Variants in KPNB1 observed in about 807,000 individuals in gnomAD.
The protein encoded by KPNB1 is importin subunit beta-1.
In KPNB1, 7 loss-of-function variants were observed where a neutral mutation model predicts 113.0. The observed-to-expected ratio is 0.06, with a 90% confidence interval of 0.04 to 0.12. The LOEUF (loss-of-function observed/expected upper bound fraction) is 0.12. Ranked by LOEUF, KPNB1 falls within the 10% of genes least tolerant of loss-of-function variation. KPNB1 has a pLI of 1.00. For synonymous variants in KPNB1, 363 were observed against 378.6 expected, an observed-to-expected ratio of 0.96 and a Z score of 0.48; for missense variants, 400 against 1,054.8, an observed-to-expected ratio of 0.38 and a Z score of 8.60.
In KPNB1 at chr17:47,652,685, C is replaced by A; in HGVS notation, c.100-9C>A. On this transcript the variant is annotated splice_polypyrimidine_tract_variant and intron_variant, in intron 2 of 21. Transcript: ENST00000290158. ...TATTTTTATTTACAAATTTATCTTC[C>A]CTTAACAGCCCACTTTCCTTGTGGA... 6.4e-7 allele frequency: 1 copy of A among 1,552,318 alleles called. No homozygotes were observed. Among genetic ancestry groups the A allele is most frequent in the Non-Finnish European group, 8.7e-7 (1 of 1,155,064 alleles).
At chr17:47,665,267 C>T in intron 9 of KPNB1, 109 bp downstream of exon 9, 1 of 820,388 alleles carries the variant, frequency 1.2e-6, no homozygotes, top group Non-Finnish European at 2.0e-6. Context: ...ATTTGATGTT[C>T]TGTTGTTGAT....
intron 9 of KPNB1, among the ~76,000 whole-genome samples, chr17:47,667,822 T>C (rs1368915159): frequency 1.3e-5 from 2 of 152,170 alleles, no homozygotes; most frequent in Non-Finnish European, 2.9e-5. Flanking sequence ...CCTCCCAAAG[T>C]GCTGGGATTA....
Position 47,682,998 on chromosome 17 carries a change from T to C in KPNB1, c.*594T>C, listed in dbSNP as rs1478352032. The C allele has an allele frequency of 1.3e-5, 2 of 151,370 alleles. No individual in the cohort carries two copies. Among genetic ancestry groups the C allele is most frequent in the African/African-American group, 4.9e-5 (2 of 40,834 alleles). The allele number at this position is 151,370 out of a possible 1,614,324, so 9.4% of individuals were successfully genotyped here. On this transcript the variant is annotated 3_prime_UTR_variant, in exon 22 of 22. Coordinates refer to ENST00000290158, the MANE Select transcript of KPNB1 (RefSeq NM_002265.6). ...TATCCACATTCTCAACTTCAAGTCA[T>C]TGCAGTTTCTTTTTCCCAGAAAACA... is the stretch of plus-strand genomic sequence containing the variant.
Position 47,671,551 on chromosome 17 carries a change from T to A in KPNB1, c.1547+719T>A, listed in dbSNP as rs572048946. Among the ~76,000 whole-genome samples, 395 of 152,120 alleles carry A rather than the reference T, an allele frequency of 2.6e-3. 4 individuals carry two copies. The highest frequency in any genetic ancestry group is 9.0e-3 in the African/African-American group (372 of 41,482). On this transcript the variant is annotated intron_variant, in intron 12 of 21. Transcript: ENST00000290158. Reference sequence around the variant, plus strand: ...TATTTTATTAATTAATTAATTAATTTATTTTGAGACAGAGTGTTGCTCTGT... The same window carrying A: ...TATTTTATTAATTAATTAATTAATTAATTTTGAGACAGAGTGTTGCTCTGT...
rs1460741781 is a variant in KPNB1 at position 47,678,178 on chromosome 17, C to G, written c.2236C>G (p.Gln746Glu). ...TACTCTTCAGCAGGCCTCCCAAGCC[C>G]AGGTGGACAAGGTAAGCTTAAAGCT... ...LNTLQQASQA[Q>E]VDKSDYDMVD... The change falls in exon 18 of 22, where the codon CAG becomes GAG. Residue 746 changes from glutamine (Q) to glutamate (E), a missense_variant. By Grantham distance (29) the Gln-to-Glu change is conservative. Transcript: ENST00000290158. 6.8e-6 allele frequency: 11 copies of G among 1,614,058 alleles called. No individual in the cohort carries two copies. The highest frequency in any genetic ancestry group is 9.3e-6 in the Non-Finnish European group (11 of 1,180,042).
At chr17:47,659,920 ATG>A (rs2030039852) in intron 5 of KPNB1, among the ~76,000 whole-genome samples, 2 of 151,668 alleles carry the variant, frequency 1.3e-5, no homozygotes, top group African/African-American at 4.8e-5. Context: ...ATATATATAT[ATG>A]TATATGTATG....
chr17:47,667,483 C>T (rs2030324404), intron 9 of KPNB1, among the ~76,000 whole-genome samples: 1 of 151,444 alleles, frequency 6.6e-6, no homozygotes, highest in African/African-American at 2.4e-5. Context: ...CATGAAACTC[C>T]CTTACTTTCC....
In KPNB1 at chr17:47,676,428, C is replaced by G; in HGVS notation, c.1932C>G (p.Leu644=). ...TTACAGTGTTGGGTGGTGAATTCCT[C>G]AAGTACATGGAGGCCTTTAAACCCT... ...TLVEVLGGEF[L]KYMEAFKPFL... Residue 644 remains leucine (L), a synonymous_variant, in exon 16 of 22, where the codon CTC becomes CTG. Coordinates refer to ENST00000290158, the MANE Select transcript of KPNB1 (RefSeq NM_002265.6). 6.2e-7 allele frequency: 1 copy of G among 1,613,152 alleles called. No homozygotes were observed. The highest frequency in any genetic ancestry group is 1.1e-5 in the South Asian group (1 of 91,070).
intron 10 of KPNB1, among the ~76,000 whole-genome samples, 156 bp downstream of exon 10, chr17:47,668,566 G>C (rs2030358567): frequency 6.6e-6 from 1 of 152,078 alleles, no homozygotes; most frequent in Non-Finnish European, 1.5e-5. Context: ...ATATTTCTTA[G>C]GTTTTTAATT....
intron 14 of KPNB1, 34 bp downstream of exon 14, chr17:47,673,595 G>C (rs771799147): frequency 1.3e-6 from 2 of 1,496,164 alleles, no homozygotes; most frequent in South Asian, 2.3e-5. Flanking sequence ...ATAACTCCAG[G>C]TTGGAGAATT....
At chr17:47,680,435 G>A (rs1358226787) in intron 20 of KPNB1, 73 bp from the exon 21 acceptor site, 4 of 1,534,438 alleles carry the variant, frequency 2.6e-6, no homozygotes, top group Non-Finnish European at 3.6e-6. Flanking sequence ...CCATAGCACT[G>A]GTTTGGAAGG....
chr17:47,677,493 A>G (rs1387333928), intron 17 of KPNB1, among the ~76,000 whole-genome samples: 1 of 151,478 alleles, frequency 6.6e-6, no homozygotes, highest in African/African-American at 2.4e-5. Flanking sequence ...AAAAAAAAAA[A>G]AAATCAGTGA....
chr17:47,666,029 C>T (rs2030255840), intron 9 of KPNB1, among the ~76,000 whole-genome samples: 1 of 151,978 alleles, frequency 6.6e-6, no homozygotes, highest in South Asian at 2.1e-4. Flanking sequence ...CATCTCTCCT[C>T]TCAGGGTTTT....
Position 47,676,459 on chromosome 17 carries a change from G to C in KPNB1, c.1963G>C (p.Gly655Arg). The C allele has an allele frequency of 6.2e-7, 1 of 1,613,412 alleles. No homozygotes were observed. Among genetic ancestry groups the C allele is most frequent in the Non-Finnish European group, 8.5e-7 (1 of 1,179,468 alleles). The change falls in exon 16 of 22, where the codon GGC (glycine) becomes CGC (arginine). Residue 655 changes from glycine to arginine, a missense_variant. Physicochemically the swap from Gly to Arg is moderately radical, Grantham distance 125. Coordinates refer to ENST00000290158, the MANE Select transcript of KPNB1 (RefSeq NM_002265.6). ...CATGGAGGCCTTTAAACCCTTCCTGGGCATTGGATTAAAAAATTATGCTGA... is the reference window on the plus strand; with the variant it reads ...CATGGAGGCCTTTAAACCCTTCCTGCGCATTGGATTAAAAAATTATGCTGA... ...KYMEAFKPFL[G>R]IGLKNYAEYQ...
chr17:47,675,217 A>G (rs538362608), intron 15 of KPNB1, among the ~76,000 whole-genome samples: 1 of 152,248 alleles, frequency 6.6e-6, no homozygotes, highest in African/African-American at 2.4e-5. Flanking sequence ...ATTTTTGACT[A>G]TAGAAAGCAT....
intron 7 of KPNB1, among the ~76,000 whole-genome samples, chr17:47,663,926 A>G (rs2143123503): frequency 6.6e-6 from 1 of 151,788 alleles, no homozygotes; most frequent in East Asian, 1.9e-4. Context: ...TGGAGGTTGC[A>G]GTAAGCTGAG....
At chr17:47,656,169 G>A (rs1408223915) in intron 3 of KPNB1, among the ~76,000 whole-genome samples, 1 of 152,126 alleles carries the variant, frequency 6.6e-6, no homozygotes, top group African/African-American at 2.4e-5. Flanking sequence ...TAAGGCAGGA[G>A]AATCGCTTGA....
intron 18 of KPNB1, 27 bp downstream of exon 18, chr17:47,678,216 C>T: frequency 6.2e-7 from 1 of 1,613,618 alleles, no homozygotes; most frequent in African/African-American, 1.3e-5. Flanking sequence ...CTTGGCTGTT[C>T]TTTAAGTCTA....
At chr17:47,658,694 CAGTA>C (rs758973528) in intron 5 of KPNB1, 34 bp downstream of exon 5, 2 of 1,575,468 alleles carry the variant, frequency 1.3e-6, no homozygotes, top group South Asian at 2.3e-5. Flanking sequence ...TAGATTCAGA[CAGTA>C]AGGGATGAAA....
Sources: gnomAD v4.1 joint callset for allele counts (sites outside exome capture counted in the v4.1 genomes callset) on GRCh38, gnomAD v4.1.1 for gene constraint, MANE v1.5 for transcripts, NCBI Gene and HGNC (gene_info 2026-07-23, HGNC 2026-07-21) for gene names.